Variants in ZNF322 observed in about 807,000 individuals in gnomAD.
ZNF322 encodes zinc finger protein 322.
Under a neutral mutation model 18.3 loss-of-function variants are expected in ZNF322, and 1 was observed. The ratio of observed to expected loss-of-function variants is 0.05; its 90% confidence interval spans 0.02 to 0.26. The LOEUF (loss-of-function observed/expected upper bound fraction) is 0.26. Ranked by LOEUF, ZNF322 falls within the 10% of genes least tolerant of loss-of-function variation. The probability of loss-of-function intolerance (pLI) is 1.00; values close to 1 mark genes in which losing one functional copy is unlikely to be tolerated. For synonymous variants in ZNF322, 17 were observed against 130.7 expected, an observed-to-expected ratio of 0.13 and a Z score of 5.93; for missense variants, 36 against 403.6, an observed-to-expected ratio of 0.09 and a Z score of 7.80.
At chr6:26,647,896 A>C (rs1765585360) in intron 2 of ZNF322, among the ~76,000 whole-genome samples, 1 of 150,414 alleles carries the variant, frequency 6.6e-6, no homozygotes. Context: ...TTTTTTTTAA[A>C]GAGTCGGGGT....
At chr6:26,641,134 G>GT (rs1261161473) in intron 3 of ZNF322, among the ~76,000 whole-genome samples, 14 of 152,094 alleles carry the variant, frequency 9.2e-5, no homozygotes, top group Admixed American at 9.2e-4. Flanking sequence ...TCAGCAATTT[G>GT]TATGCTTTCC....
intron 2 of ZNF322, among the ~76,000 whole-genome samples, chr6:26,643,997 C>T (rs1277153236): frequency 6.6e-6 from 1 of 152,190 alleles, no homozygotes; most frequent in Non-Finnish European, 1.5e-5. Context: ...GGGCTCCTAA[C>T]ACTAAATCTT....
chr6:26,636,749 T>TG lies in ZNF322; in HGVS notation c.*595dup, dbSNP rs1311704664. ...AGACACTTGCAGTCTTTCCTCAGAT[T>TG]GGGTTTTTTTTTTTGGGTGCAAACC... On this transcript the variant is annotated 3_prime_UTR_variant, in exon 4 of 4. Coordinates refer to ENST00000415922, the MANE Select transcript of ZNF322 (RefSeq NM_024639.5). The TG allele has an allele frequency of 2.9e-5, 2 of 69,812 alleles. No individual in the cohort carries two copies. The highest frequency in any genetic ancestry group is 2.5e-3 in the East Asian group (2 of 800). The allele number at this position is 69,812 out of a possible 1,614,324, so 4.3% of individuals were successfully genotyped here.
intron 2 of ZNF322, among the ~76,000 whole-genome samples, chr6:26,658,294 T>C (rs1436649760): frequency 1.3e-5 from 2 of 152,108 alleles, no homozygotes; most frequent in African/African-American, 4.8e-5. Flanking sequence ...GCATTAGGCA[T>C]ACTACCCTCT....
chr6:26,649,671 G>A lies in ZNF322; in HGVS notation c.-245-5943C>T, dbSNP rs1483375298. 5.0e-3 allele frequency among the ~76,000 whole-genome samples: 188 copies of A among 37,802 alleles called. 1 individual carries two copies. Among genetic ancestry groups the A allele is most frequent in the Non-Finnish European group, 5.1e-3 (108 of 21,080 alleles). 24.8% of individuals were successfully genotyped at this position (37,802 alleles called of 152,430 possible). A position where few individuals can be genotyped will look rare whatever the true frequency, so the allele number is the denominator to read the frequency against. On this transcript the variant is annotated intron_variant, in intron 2 of 3. Transcript: ENST00000415922. ...TGTGTGTGTGTGTGTGTGTGTGTGT[G>A]TGTGTATATATATATATATATATAT... is the stretch of plus-strand genomic sequence containing the variant.
At chr6:26,648,849 T>C (rs1457888993) in intron 2 of ZNF322, among the ~76,000 whole-genome samples, 8 of 152,248 alleles carry the variant, frequency 5.3e-5, no homozygotes, top group Admixed American at 1.3e-4. Context: ...TATGAAGATG[T>C]TCCCTCCTAA....
chr6:26,647,225 A>C (rs1230409020), intron 2 of ZNF322, among the ~76,000 whole-genome samples: 3 of 152,088 alleles, frequency 2.0e-5, no homozygotes, highest in South Asian at 2.1e-4. Flanking sequence ...GTTTGAACCC[A>C]GGAGTTCAAG....
At chr6:26,641,621 C>T (rs1765467524) in intron 3 of ZNF322, among the ~76,000 whole-genome samples, 1 of 152,144 alleles carries the variant, frequency 6.6e-6, no homozygotes, top group Non-Finnish European at 1.5e-5. Flanking sequence ...AACTCTAGCC[C>T]CAGCCCTGTG....
Position 26,647,967 on chromosome 6 carries a change from C to T in ZNF322, c.-245-4239G>A, listed in dbSNP as rs1046056545. Among the ~76,000 whole-genome samples the T allele has an allele frequency of 2.0e-5, 3 of 151,814 alleles. No homozygotes were observed. The East Asian group carries it at 5.8e-4, about 29-fold the overall frequency. ...AATCATAGCCCACTGTAGCCTCAAGCTCCTAGGCTCAAGCAATTCTCCTGG... is the reference window on the plus strand; with the variant it reads ...AATCATAGCCCACTGTAGCCTCAAGTTCCTAGGCTCAAGCAATTCTCCTGG... On this transcript the variant is annotated intron_variant, in intron 2 of 3. Coordinates refer to ENST00000415922, the MANE Select transcript of ZNF322 (RefSeq NM_024639.5).
intron 2 of ZNF322, among the ~76,000 whole-genome samples, chr6:26,656,337 C>T (rs1409760038): frequency 1.3e-5 from 2 of 152,100 alleles, no homozygotes; most frequent in East Asian, 1.9e-4. Flanking sequence ...AAGACACTGC[C>T]GGTACTAAGC....
In ZNF322 at chr6:26,649,669, G is replaced by GTA. The variant is rs1765621832; in HGVS notation, c.-245-5942_-245-5941insTA. Among the ~76,000 whole-genome samples, 5 of 36,260 alleles carry GTA rather than the reference G, an allele frequency of 1.4e-4. 1 individual carries two copies. Among genetic ancestry groups the GTA allele is most frequent in the African/African-American group, 3.3e-4 (3 of 9,106 alleles). The allele number at this position is 36,260 out of a possible 152,430, so 23.8% of individuals were successfully genotyped here. A position where few individuals can be genotyped will look rare whatever the true frequency, so the allele number is the denominator to read the frequency against. On this transcript the variant is annotated intron_variant, in intron 2 of 3. Coordinates refer to ENST00000415922, the MANE Select transcript of ZNF322 (RefSeq NM_024639.5). Reference sequence around the variant, plus strand: ...TGTGTGTGTGTGTGTGTGTGTGTGTGTGTGTGTATATATATATATATATAT... The same window carrying GTA: ...TGTGTGTGTGTGTGTGTGTGTGTGTGTATGTGTGTATATATATATATATATAT...
At chr6:26,646,987 C>T (rs1051210828) in intron 2 of ZNF322, among the ~76,000 whole-genome samples, 1 of 151,980 alleles carries the variant, frequency 6.6e-6, no homozygotes, top group Non-Finnish European at 1.5e-5. Context: ...TAAATTTAAA[C>T]CAGTTCATGC....
At chr6:26,640,565 A>G (rs955753774) in intron 3 of ZNF322, among the ~76,000 whole-genome samples, 2 of 152,134 alleles carry the variant, frequency 1.3e-5, no homozygotes, top group Non-Finnish European at 2.9e-5. Flanking sequence ...CAACCACCCT[A>G]TTCTAAACTG....
rs868978205 is a variant in ZNF322, at chr6:26,635,362, C to T, written c.*1983G>A. ...AGGAATCTGAAGTATTGGTATTACA[C>T]GTCTTTGAATCTCAGGGAAGAAAAA... is the stretch of plus-strand genomic sequence containing the variant. On this transcript the variant is annotated 3_prime_UTR_variant, in exon 4 of 4. Transcript: ENST00000415922. The T allele has an allele frequency of 2.1e-3, 55 of 26,678 alleles. 1 individual carries two copies. Among genetic ancestry groups the T allele is most frequent in the South Asian group, 8.2e-3 (6 of 728 alleles). 1.7% of individuals were successfully genotyped at this position (26,678 alleles called of 1,614,324 possible). A position where few individuals can be genotyped will look rare whatever the true frequency, so the allele number is the denominator to read the frequency against.
intron 2 of ZNF322, among the ~76,000 whole-genome samples, chr6:26,657,093 C>T (rs1765792521): frequency 6.6e-6 from 1 of 151,878 alleles, no homozygotes; most frequent in Admixed American, 6.6e-5. Flanking sequence ...CTAAAAAGTA[C>T]AAAAAAATTA....
At chr6:26,639,200 T>C (rs1554148100) in intron 3 of ZNF322, among the ~76,000 whole-genome samples, 1 of 152,188 alleles carries the variant, frequency 6.6e-6, no homozygotes, top group African/African-American at 2.4e-5. Context: ...GCAAGTTTCT[T>C]AACCACTGTA....
intron 2 of ZNF322, among the ~76,000 whole-genome samples, chr6:26,649,682 TATATATATATATATATATA>T (rs1561924870): frequency 1.1e-3 from 27 of 25,284 alleles, no homozygotes; most frequent in African/African-American, 3.4e-3. Context: ...TGTGTATATA[TATATATATATATATATATA>T]TTTTTTTTTT....
At chr6:26,649,031 T>C (rs1167387446) in intron 2 of ZNF322, among the ~76,000 whole-genome samples, 5 of 152,206 alleles carry the variant, frequency 3.3e-5, no homozygotes, top group Admixed American at 6.5e-5. Context: ...AAAGGCAGAA[T>C]TGAGTAGTCA....
At chr6:26,647,797 A>G (rs1581492833) in intron 2 of ZNF322, among the ~76,000 whole-genome samples, 1 of 152,276 alleles carries the variant, frequency 6.6e-6, no homozygotes, top group South Asian at 2.1e-4. Flanking sequence ...CAACTTCCTA[A>G]TTCTTTTTGT....
Sources: allele counts gnomAD v4.1 joint callset (sites outside exome capture counted in the v4.1 genomes callset), GRCh38; gene constraint gnomAD v4.1.1; transcripts MANE v1.5; gene names NCBI Gene and HGNC (gene_info 2026-07-23, HGNC 2026-07-21).